Variants in BLOC1S5 observed in about 807,000 individuals in gnomAD.
BLOC1S5 encodes the protein biogenesis of lysosomal organelles complex 1 subunit 5.
Under a neutral mutation model 24.3 loss-of-function variants are expected in BLOC1S5, and 27 were observed. The ratio of observed to expected loss-of-function variants is 1.11; its 90% CI spans 0.82 to 1.53. The LOEUF (loss-of-function observed/expected upper bound fraction) is 1.53. BLOC1S5 is among the 40% of genes most tolerant of loss of function. The probability of loss-of-function intolerance (pLI) is 0.00; values close to 1 mark genes in which losing one functional copy is unlikely to be tolerated. For synonymous variants in BLOC1S5, 84 were observed against 74.5 expected, an observed-to-expected ratio of 1.13 and a Z score of -0.66; for missense variants, 239 against 229.4, an observed-to-expected ratio of 1.04 and a Z score of -0.27.
At chr6:8,063,385 ATTC>A (rs950752532) in intron 1 of BLOC1S5, among the ~76,000 whole-genome samples, 8 of 152,186 alleles carry the variant, frequency 5.3e-5, no homozygotes, top group Non-Finnish European at 8.8e-5. Flanking sequence ...TCAGTTTATT[ATTC>A]TTCTTAGTTA....
Position 8,044,894 on chromosome 6 carries a change from T to C in BLOC1S5, c.196-3626A>G, listed in dbSNP as rs1330240751. ...ATAAGGTAAGCGGAGCATAAAAGTTTGGAAAATCTGTAGCCTGACAATGCA... is the reference window on the plus strand; with the variant it reads ...ATAAGGTAAGCGGAGCATAAAAGTTCGGAAAATCTGTAGCCTGACAATGCA... On this transcript the variant is annotated intron_variant, in intron 2 of 4. Transcript: ENST00000397457. Among the ~76,000 whole-genome samples the C allele has an allele frequency of 2.6e-5, 4 of 152,196 alleles. No individual in the cohort carries two copies. The East Asian group carries it at 7.7e-4, about 29-fold the overall frequency.
chr6:8,030,567 GGA>G (rs1763262028), intron 3 of BLOC1S5, among the ~76,000 whole-genome samples: 3 of 151,704 alleles, frequency 2.0e-5, no homozygotes, highest in African/African-American at 7.3e-5. Context: ...ATCAAGCAGA[GGA>G]GAGTCAGTGA....
At chr6:8,017,370 T>G (rs933732035) in intron 4 of BLOC1S5, among the ~76,000 whole-genome samples, 4 of 129,178 alleles carry the variant, frequency 3.1e-5, no homozygotes, top group African/African-American at 8.7e-5. Flanking sequence ...AGAGCGAGAC[T>G]CCGTCTCAAA....
chr6:8,016,783 AG>A (rs1762752262), intron 4 of BLOC1S5, among the ~76,000 whole-genome samples: 1 of 148,532 alleles, frequency 6.7e-6, no homozygotes, highest in Non-Finnish European at 1.5e-5. Flanking sequence ...CGGGAAACTG[AG>A]GCGGAAGAAC....
At chr6:8,038,974 T>C (rs1220197717) in intron 3 of BLOC1S5, among the ~76,000 whole-genome samples, 6 of 152,208 alleles carry the variant, frequency 3.9e-5, no homozygotes, top group African/African-American at 1.4e-4. Context: ...TGGGTATATA[T>C]CTAAAAGAAA....
At chr6:8,035,148 A>C in intron 3 of BLOC1S5, among the ~76,000 whole-genome samples, 1 of 152,174 alleles carries the variant, frequency 6.6e-6, no homozygotes, top group African/African-American at 2.4e-5. Context: ...AGCTATGAGG[A>C]CACAAAAGCA....
chr6:8,052,870 C>T (rs1764167885), intron 2 of BLOC1S5, among the ~76,000 whole-genome samples: 1 of 151,058 alleles, frequency 6.6e-6, no homozygotes, highest in South Asian at 2.1e-4. Flanking sequence ...ACCACTCCAG[C>T]CCGGGCAACA....
intron 4 of BLOC1S5, among the ~76,000 whole-genome samples, chr6:8,019,819 A>G (rs931428342): frequency 5.3e-5 from 8 of 152,236 alleles, no homozygotes; most frequent in African/African-American, 1.7e-4. Flanking sequence ...CTTGACCTAC[A>G]TTACATACAA....
At chr6:8,033,928 G>T (rs1468520795) in intron 3 of BLOC1S5, among the ~76,000 whole-genome samples, 1 of 152,178 alleles carries the variant, frequency 6.6e-6, no homozygotes, top group Non-Finnish European at 1.5e-5. Flanking sequence ...ACCACAATGA[G>T]ATGCCATCTC....
intron 3 of BLOC1S5, among the ~76,000 whole-genome samples, chr6:8,030,509 C>T (rs1763261148): frequency 6.6e-6 from 1 of 151,690 alleles, no homozygotes; most frequent in South Asian, 2.1e-4. Flanking sequence ...CTGGGAAATA[C>T]ATTTGCTGAA....
chr6:8,042,697 C>A (rs7764394), intron 2 of BLOC1S5, among the ~76,000 whole-genome samples: 1 of 152,138 alleles, frequency 6.6e-6, no homozygotes, highest in Non-Finnish European at 1.5e-5. Context: ...TGTGGCCCAA[C>A]ACAATTCTTC....
intron 1 of BLOC1S5, among the ~76,000 whole-genome samples, 158 bp from the exon 2 acceptor site, chr6:8,062,774 A>G (rs1233833408): frequency 6.6e-6 from 1 of 152,232 alleles, no homozygotes; most frequent in Non-Finnish European, 1.5e-5. Context: ...GGATGTGTAC[A>G]CTGATACAAC....
intron 3 of BLOC1S5, among the ~76,000 whole-genome samples, chr6:8,033,983 A>G (rs1389356203): frequency 6.6e-6 from 1 of 152,152 alleles, no homozygotes; most frequent in Non-Finnish European, 1.5e-5. Flanking sequence ...GAAACAACAG[A>G]CGCTGGAAAG....
intron 4 of BLOC1S5, among the ~76,000 whole-genome samples, chr6:8,016,851 C>A (rs1340972313): frequency 7.9e-6 from 1 of 125,796 alleles, no homozygotes; most frequent in African/African-American, 3.0e-5. Context: ...TGCACTCCAG[C>A]CTGGGTGACA....
At chr6:8,058,026 A>G (rs1010000934) in intron 2 of BLOC1S5, among the ~76,000 whole-genome samples, 1 of 152,136 alleles carries the variant, frequency 6.6e-6, no homozygotes, top group Non-Finnish European at 1.5e-5. Context: ...GGTAAACTTC[A>G]CGGAGGTAGG....
chr6:8,049,304 G>C (rs1045815035), intron 2 of BLOC1S5, among the ~76,000 whole-genome samples: 1 of 151,970 alleles, frequency 6.6e-6, no homozygotes, highest in Admixed American at 6.6e-5. Context: ...TTGGGAGATG[G>C]AGGCTGCAGT....
Position 8,051,346 on chromosome 6 carries a change from T to C in BLOC1S5, c.196-10078A>G, listed in dbSNP as rs566241496. On this transcript the variant is annotated intron_variant, in intron 2 of 4. Coordinates refer to ENST00000397457, the MANE Select transcript of BLOC1S5 (RefSeq NM_201280.3). ...AATTGAGAGGAAGGCCCTAACTCTA[T>C]TCAATCCTATGAAGGTTGAGAGAGG... Among the ~76,000 whole-genome samples the C allele has an allele frequency of 1.6e-4, 24 of 152,302 alleles. 1 individual carries two copies. In the South Asian group the frequency reaches 5.0e-3, roughly 32 times the overall value.
At chr6:8,019,385 C>T (rs1762846747) in intron 4 of BLOC1S5, among the ~76,000 whole-genome samples, 1 of 151,896 alleles carries the variant, frequency 6.6e-6, no homozygotes, top group Admixed American at 6.6e-5. Context: ...TCTCATGCCT[C>T]AGCCTCTCAA....
intron 3 of BLOC1S5, among the ~76,000 whole-genome samples, chr6:8,029,306 A>G (rs117967838): frequency 3.9e-4 from 60 of 152,148 alleles, no homozygotes; most frequent in Non-Finnish European, 7.4e-4. Flanking sequence ...CACTCTGAGG[A>G]GACAGGAACA....
Sources: allele counts gnomAD v4.1 joint callset (sites outside exome capture counted in the v4.1 genomes callset), GRCh38; gene constraint gnomAD v4.1.1; transcripts MANE v1.5; gene names NCBI Gene and HGNC (gene_info 2026-07-23, HGNC 2026-07-21).